USP54: variants seen among roughly 807,000 people sequenced by gnomAD.
USP54 encodes ubiquitin specific peptidase 54.
Under a neutral mutation model 170.5 loss-of-function variants are expected in USP54, and 87 were observed. The ratio of observed to expected loss-of-function variants is 0.51; its 90% confidence interval spans 0.43 to 0.61. The LOEUF is 0.61. Among genes scored for constraint, USP54 ranks in the 20% least tolerant of loss-of-function variants. USP54 has a pLI of 0.00. For synonymous variants in USP54, 655 were observed against 742.8 expected, an observed-to-expected ratio of 0.88 and a Z score of 1.92; for missense variants, 1,786 against 2,047.8, an observed-to-expected ratio of 0.87 and a Z score of 2.47.
Position 73,534,777 on chromosome 10 carries a change from G to A in USP54, c.1145-7C>T. 1 of 1,612,994 alleles carries A rather than the reference G, an allele frequency of 6.2e-7. No individual in the cohort carries two copies. The highest frequency in any genetic ancestry group is 8.5e-7 in the Non-Finnish European group (1 of 1,179,356). ...GAGATGGAGGGCTCCCTCCCTGAGA[G>A]GAGGAGGAAACACATATGCAAAAAG... On this transcript the variant is annotated splice_region_variant and splice_polypyrimidine_tract_variant and intron_variant, in intron 11 of 23. Coordinates refer to ENST00000687698, the MANE Select transcript of USP54 (RefSeq NM_001391956.1).
chr10:73,550,930 C>G (rs2069164789), intron 4 of USP54, among the ~76,000 whole-genome samples: 1 of 152,072 alleles, frequency 6.6e-6, no homozygotes, highest in South Asian at 2.1e-4. Flanking sequence ...CAAGGTGAAA[C>G]CCCGTCTCTA....
chr10:73,505,255 C>G, intron 21 of USP54, 53 bp downstream of exon 21: 1 of 1,534,930 alleles, frequency 6.5e-7, no homozygotes, highest in Non-Finnish European at 8.9e-7. Context: ...CTCCATAATT[C>G]CTTCCCCAAC....
chr10:73,508,972 GTTTTTT>G (rs945752651), intron 20 of USP54, among the ~76,000 whole-genome samples: 11 of 133,564 alleles, frequency 8.2e-5, no homozygotes, highest in African/African-American at 3.1e-4. Flanking sequence ...GCCAGAACAT[GTTTTTT>G]TTTTTTTTTT....
At chr10:73,548,279 G>T (rs2068337867) in intron 4 of USP54, among the ~76,000 whole-genome samples, 1 of 152,156 alleles carries the variant, frequency 6.6e-6, no homozygotes, top group Non-Finnish European at 1.5e-5. Context: ...TTACACTGTT[G>T]GTGGGAGTGT....
intron 1 of USP54, among the ~76,000 whole-genome samples, chr10:73,620,421 G>A (rs1198639236): frequency 6.7e-6 from 1 of 149,004 alleles, no homozygotes; most frequent in Non-Finnish European, 1.5e-5. Flanking sequence ...AGTAAGTCTA[G>A]AACTGATTAT....
intron 19 of USP54, chr10:73,519,588 C>T: frequency 1.4e-6 from 1 of 712,612 alleles, no homozygotes; most frequent in Non-Finnish European, 2.2e-6. Context: ...TCTTATTATG[C>T]TGTACTTTTT....
chr10:73,607,830 CAAAAA>C (rs770614076), intron 1 of USP54, among the ~76,000 whole-genome samples: 1 of 59,512 alleles, frequency 1.7e-5, no homozygotes, highest in African/African-American at 6.4e-5. Context: ...GACTCCGTCT[CAAAAA>C]AAAAAAAAAA....
chr10:73,608,128 C>T (rs2079829162), intron 1 of USP54, among the ~76,000 whole-genome samples: 3 of 151,566 alleles, frequency 2.0e-5, no homozygotes, highest in African/African-American at 7.3e-5. Flanking sequence ...GGCATGGTAG[C>T]GCGTGCCTGT....
intron 5 of USP54, among the ~76,000 whole-genome samples, chr10:73,544,000 T>C (rs2067200782): frequency 6.6e-6 from 1 of 151,708 alleles, no homozygotes; most frequent in Non-Finnish European, 1.5e-5. Context: ...AGGAGTACAG[T>C]AGAGCGATCT....
intron 1 of USP54, among the ~76,000 whole-genome samples, chr10:73,612,684 A>C (rs1254865525): frequency 6.6e-6 from 1 of 152,014 alleles, no homozygotes; most frequent in Non-Finnish European, 1.5e-5. Flanking sequence ...TCTACTAAAA[A>C]TGCAAAAATA....
intron 4 of USP54, among the ~76,000 whole-genome samples, chr10:73,566,523 G>C (rs1026042031): frequency 6.6e-6 from 1 of 151,968 alleles, no homozygotes; most frequent in Non-Finnish European, 1.5e-5. Context: ...ACAAGGTCAA[G>C]AGTTTGAGAC....
chr10:73,586,221 C>T (rs2077466358), intron 1 of USP54, among the ~76,000 whole-genome samples: 2 of 152,266 alleles, frequency 1.3e-5, no homozygotes, highest in South Asian at 4.1e-4. Context: ...AACAAATATA[C>T]CCTGTCCTTT....
intron 11 of USP54, 40 bp downstream of exon 11, chr10:73,536,229 G>C (rs770997220): frequency 6.2e-7 from 1 of 1,608,974 alleles, no homozygotes; most frequent in East Asian, 2.2e-5. Context: ...TGATCGCATG[G>C]GGTGAGGAGA....
At chr10:73,530,022 C>T in intron 14 of USP54, 111 bp from the exon 15 acceptor site, 1 of 1,499,362 alleles carries the variant, frequency 6.7e-7, no homozygotes, top group East Asian at 2.3e-5. Context: ...ACTCATATCC[C>T]TAAAACACCC....
rs536132317 is a variant in USP54 at position 73,621,840 on chromosome 10, T to C, written c.-18+3727A>G. Reference sequence around the variant, plus strand: ...ATTTACTCAATTCTCTATATAACAATACAAATTTTGTATTTAGCACCATGC... The same window carrying C: ...ATTTACTCAATTCTCTATATAACAACACAAATTTTGTATTTAGCACCATGC... On this transcript the variant is annotated intron_variant, in intron 1 of 22. Transcript: ENST00000339859. Among the ~76,000 whole-genome samples the C allele has an allele frequency of 7.9e-5, 12 of 152,282 alleles. No individual in the cohort carries two copies. In the East Asian group the frequency reaches 2.3e-3, roughly 29 times the overall value.
chr10:73,572,519 T>C (rs2075383520), intron 3 of USP54, among the ~76,000 whole-genome samples: 1 of 152,208 alleles, frequency 6.6e-6, no homozygotes, highest in South Asian at 2.1e-4. Flanking sequence ...CCTCCGGAGC[T>C]TCTTCTTACT....
chr10:73,519,140 CAAAA>C (rs769300590), intron 19 of USP54: 11 of 67,584 alleles, frequency 1.6e-4, no homozygotes, highest in African/African-American at 3.2e-4. Flanking sequence ...ATCCTGTCTC[CAAAA>C]AAAAAAAAAA....
intron 20 of USP54, among the ~76,000 whole-genome samples, chr10:73,510,328 T>G (rs1022694248): frequency 4.0e-5 from 6 of 151,708 alleles, no homozygotes; most frequent in African/African-American, 1.5e-4. Context: ...GAACGAGACC[T>G]CGTCTAAAAA....
In USP54 at chr10:73,530,500, C is replaced by A. The variant is rs1300702348; in HGVS notation, c.1471G>T (p.Ala491Ser). 6 of 1,609,222 alleles carry A rather than the reference C, an allele frequency of 3.7e-6. No individual in the cohort carries two copies. The highest frequency in any genetic ancestry group is 1.7e-5 in the Admixed American group (1 of 58,700). ...SEGETLKEKQAPRNASKPSSS... is the reference protein window; with the variant it reads ...SEGETLKEKQSPRNASKPSSS... ...GATGGTTTGGAGGCATTTCTAGGAG[C>A]CTGCTTCTCTTTCAGTGTTTCTCCT... The change falls in exon 14 of 24, where the codon GCT (alanine) becomes TCT (serine). Residue 491 changes from alanine to serine, a missense_variant. Ala to Ser is a moderately conservative substitution (Grantham distance 99, BLOSUM62 1). Coordinates refer to ENST00000687698, the MANE Select transcript of USP54 (RefSeq NM_001391956.1).
Sources: allele counts gnomAD v4.1 joint callset (sites outside exome capture counted in the v4.1 genomes callset), GRCh38; gene constraint gnomAD v4.1.1; transcripts MANE v1.5; gene names NCBI Gene and HGNC (gene_info 2026-07-23, HGNC 2026-07-21).